Variants in NSD2 observed in about 807,000 individuals in gnomAD.
NSD2 encodes the protein histone-lysine N-methyltransferase NSD2.
In NSD2, 12 loss-of-function variants were observed where a neutral mutation model predicts 139.0. That is an observed-to-expected ratio of 0.09 (90% confidence interval 0.06 to 0.14). NSD2 has a LOEUF of 0.14. NSD2 is among the 10% of genes least tolerant of loss of function. The pLI, the probability that NSD2 is intolerant of heterozygous loss-of-function variation, is 1.00. For synonymous variants in NSD2, 669 were observed against 648.7 expected, an observed-to-expected ratio of 1.03 and a Z score of -0.48; for missense variants, 1,155 against 1,745.0, an observed-to-expected ratio of 0.66 and a Z score of 6.02.
intron 1 of NSD2, among the ~76,000 whole-genome samples, chr4:1,885,577 G>A (rs553116914): frequency 6.6e-6 from 1 of 152,212 alleles, no homozygotes; most frequent in Non-Finnish European, 1.5e-5. Context: ...TTCTGCCTCT[G>A]GGGAGTCTCA....
chr4:1,952,218 C>T lies in NSD2; in HGVS notation c.2124C>T (p.Ser708=), dbSNP rs532704104. The part of the protein sequence containing the change: ...SRRPEGRFTC[S]ECASGIHSCF... ...GGCCAGAAGGGAGGTTCACCTGCAG[C>T]GAGTGTGCCTCAGGCAAGTTCCCAC... is the stretch of plus-strand genomic sequence containing the variant. Residue 708 remains serine (S), a synonymous_variant, in exon 11 of 22, where the codon AGC becomes AGT. Transcript: ENST00000508803. 12 of 1,613,758 alleles carry T rather than the reference C, an allele frequency of 7.4e-6. No individual in the cohort carries two copies. The highest frequency in any genetic ancestry group is 1.3e-5 in the African/African-American group (1 of 75,032).
At chr4:1,915,748 A>G (rs1404375326) in intron 3 of NSD2, among the ~76,000 whole-genome samples, 1 of 152,152 alleles carries the variant, frequency 6.6e-6, no homozygotes, top group African/African-American at 2.4e-5. Flanking sequence ...GGGAATCTCC[A>G]GAAGACTCAC....
chr4:1,945,514 G>A (rs1723533916), intron 9 of NSD2: 1 of 1,064,330 alleles, frequency 9.4e-7, no homozygotes, highest in Non-Finnish European at 1.1e-6. Context: ...AAAAGTGCCT[G>A]TGGATGTATA....
In NSD2 at chr4:1,933,116, G is replaced by A. The variant is rs145873338; in HGVS notation, c.1556-2028G>A. Among the ~76,000 whole-genome samples the A allele has an allele frequency of 5.2e-3, 796 of 152,320 alleles. 7 individuals are homozygous for A. Among genetic ancestry groups the A allele is most frequent in the African/African-American group, 0.018 (757 of 41,572 alleles). ...GGAGTGGGCTTCACGAGGGCTGCTT[G>A]CCTGGCCCCCATCACACCAGGCTGG... On this transcript the variant is annotated intron_variant, in intron 6 of 21. Transcript: ENST00000508803.
rs1401515340 is a variant in NSD2 at position 1,912,219 on chromosome 4, A to AT, written c.761-4648dup. 13 of 239,212 alleles carry AT rather than the reference A, an allele frequency of 5.4e-5. No individual in the cohort carries two copies. The Admixed American group carries it at 6.5e-4, about 12-fold the overall frequency. The allele number at this position is 239,212 out of a possible 1,614,324, so 14.8% of individuals were successfully genotyped here. On this transcript the variant is annotated intron_variant, in intron 3 of 21. Transcript: ENST00000508803. Reference sequence around the variant, plus strand: ...GGTAATTATTTTTATCTCTTTCATCATTTTCTTCTACTTCTAATACTTTGA... The same window carrying AT: ...GGTAATTATTTTTATCTCTTTCATCATTTTTCTTCTACTTCTAATACTTTGA...
intron 7 of NSD2, 111 bp from the exon 8 acceptor site, chr4:1,938,340 A>AT (rs960876112): frequency 4.0e-5 from 38 of 949,506 alleles, no homozygotes; most frequent in South Asian, 4.4e-5. Flanking sequence ...ACATGAGGAG[A>AT]TTTTTTTTCC....
intron 3 of NSD2, among the ~76,000 whole-genome samples, chr4:1,913,317 A>G (rs886156502): frequency 1.3e-5 from 2 of 152,310 alleles, no homozygotes; most frequent in Admixed American, 6.5e-5. Flanking sequence ...TTACTTTGCA[A>G]ACCAGGAAAG....
At chr4:1,975,522 G>A in intron 20 of NSD2, 122 bp downstream of exon 20, 1 of 806,852 alleles carries the variant, frequency 1.2e-6, no homozygotes, top group South Asian at 1.7e-5. Flanking sequence ...ACAGGTGGGA[G>A]CAAGTTCCCT....
Position 1,958,231 on chromosome 4 carries a change from C to T in NSD2, c.2985+195C>T, listed in dbSNP as rs946456985. ...GGATCTGCATGGGGGTTCTTGGATC[C>T]GCCTTGGAGTGTGAGGCTTGGCTTG... is the stretch of plus-strand genomic sequence containing the variant. On this transcript the variant is annotated intron_variant, in intron 16 of 21. Transcript: ENST00000508803. This position sits in a 1 kb window ranked among gnomAD's most constrained non-coding sequence, Gnocchi z 4.6. Among the ~76,000 whole-genome samples, 2 of 152,166 alleles carry T rather than the reference C, an allele frequency of 1.3e-5. No homozygotes were observed. Among genetic ancestry groups the T allele is most frequent in the Non-Finnish European group, 2.9e-5 (2 of 68,028 alleles).
At chr4:1,945,364 C>T (rs1203642911) in intron 9 of NSD2, 1 of 1,064,736 alleles carries the variant, frequency 9.4e-7, no homozygotes, top group African/African-American at 1.6e-5. Flanking sequence ...CCTGTGCTGC[C>T]CTGGCCCTGG....
At position 1,955,684 on chromosome 4, in the gene NSD2, C is replaced by G; in HGVS notation, c.2519-9C>G. 1 of 1,610,302 alleles carries G rather than the reference C, an allele frequency of 6.2e-7. No homozygotes were observed. The highest frequency in any genetic ancestry group is 8.5e-7 in the Non-Finnish European group (1 of 1,177,722). On this transcript the variant is annotated splice_polypyrimidine_tract_variant and intron_variant, in intron 13 of 21. Coordinates refer to ENST00000508803, the MANE Select transcript of NSD2 (RefSeq NM_001042424.3). The surrounding 1 kb of genome is among the most constrained non-coding windows in gnomAD (Gnocchi z 4.7). ...GGCTAAGCCTGGCCGCCTCGCCCTC[C>G]TCTTGCAGGGGGGAGCCTTCTGTGC...
At chr4:1,913,694 A>T (rs1034355233) in intron 3 of NSD2, among the ~76,000 whole-genome samples, 2 of 152,090 alleles carry the variant, frequency 1.3e-5, no homozygotes, top group African/African-American at 4.8e-5. Flanking sequence ...GAGATGACTC[A>T]CACTCCTTAC....
intron 3 of NSD2, among the ~76,000 whole-genome samples, chr4:1,907,218 C>T (rs1254712972): frequency 6.6e-6 from 1 of 152,102 alleles, no homozygotes; most frequent in Non-Finnish European, 1.5e-5. Context: ...ACCGGATGCT[C>T]GTATTAGCAA....
chr4:1,959,014 G>T (rs1278670805), intron 16 of NSD2, among the ~76,000 whole-genome samples: 1 of 152,146 alleles, frequency 6.6e-6, no homozygotes, highest in South Asian at 2.1e-4. Flanking sequence ...GCCTAGCACT[G>T]CTCCTCCTGG....
chr4:1,957,143 C>T (rs762314521), intron 15 of NSD2, among the ~76,000 whole-genome samples: 4 of 152,098 alleles, frequency 2.6e-5, no homozygotes, highest in Admixed American at 1.3e-4. Context: ...CCACAGGACA[C>T]GTCTAGGGTT....
At chr4:1,891,742 A>G (rs1478199063) in intron 1 of NSD2, among the ~76,000 whole-genome samples, 2 of 151,872 alleles carry the variant, frequency 1.3e-5, no homozygotes, top group African/African-American at 4.8e-5. Flanking sequence ...CTGTAGTTCC[A>G]GCTACTCGGC....
chr4:1,909,882 G>A (rs1373876813), intron 3 of NSD2, among the ~76,000 whole-genome samples: 1 of 151,204 alleles, frequency 6.6e-6, no homozygotes, highest in Non-Finnish European at 1.5e-5. Context: ...CTTGTGATCC[G>A]CCCAACTCGG....
At chr4:1,912,174 CT>C in intron 3 of NSD2, 1 of 357,042 alleles carries the variant, frequency 2.8e-6, no homozygotes. Flanking sequence ...CATCCCCTGC[CT>C]TCCTCTCTCC....
In NSD2 at chr4:1,955,526, T is replaced by C; in HGVS notation, c.2519-167T>C. The C allele has an allele frequency of 1.6e-6, 2 of 1,227,072 alleles. No individual in the cohort carries two copies. The highest frequency in any genetic ancestry group is 2.2e-6 in the Non-Finnish European group (2 of 909,968). 76.0% of individuals were successfully genotyped at this position (1,227,072 alleles called of 1,614,324 possible). Reference sequence around the variant, plus strand: ...AATCATTTCGCAAACATACAGGAAATTATTTGTGGTGAAAATGACATTTGC... The same window carrying C: ...AATCATTTCGCAAACATACAGGAAACTATTTGTGGTGAAAATGACATTTGC... On this transcript the variant is annotated intron_variant, in intron 13 of 21. Transcript: ENST00000508803. This position sits in a 1 kb window ranked among gnomAD's most constrained non-coding sequence, Gnocchi z 4.7.
Sources: gnomAD v4.1 joint callset for allele counts (sites outside exome capture counted in the v4.1 genomes callset) on GRCh38, gnomAD v4.1.1 for gene constraint, Gnocchi (gnomAD v3.1) non-coding constraint, MANE v1.5 for transcripts, NCBI Gene and HGNC (gene_info 2026-07-23, HGNC 2026-07-21) for gene names.